The following CMSS1 variants were observed in gnomAD, a reference collection of about 807,000 sequenced individuals.
The protein encoded by CMSS1 is protein CMSS1.
A neutral mutation model predicts 43.5 loss-of-function variants in CMSS1; 33 were observed. The ratio of observed to expected loss-of-function variants is 0.76; its 90% CI spans 0.57 to 1.01. The LOEUF is 1.01. Ranked by LOEUF, CMSS1 falls within the 50% of genes least tolerant of loss-of-function variation. CMSS1 has a pLI of 0.00. For synonymous variants in CMSS1, 115 were observed against 117.2 expected, an observed-to-expected ratio of 0.98 and a Z score of 0.12; for missense variants, 313 against 326.4, an observed-to-expected ratio of 0.96 and a Z score of 0.32.
At chr3:99,916,033 CAACTT>C (rs1438101272) in intron 1 of CMSS1, among the ~76,000 whole-genome samples, 1 of 152,136 alleles carries the variant, frequency 6.6e-6, no homozygotes, top group East Asian at 1.9e-4. Context: ...TTTTATGTGT[CAACTT>C]GACTGGGCCA....
intron 1 of CMSS1, among the ~76,000 whole-genome samples, chr3:99,844,123 C>CACT (rs1943258216): frequency 6.6e-6 from 1 of 152,094 alleles, no homozygotes; most frequent in Admixed American, 6.5e-5. Flanking sequence ...GGCTCACTGC[C>CACT]ACTACCCAGC....
At chr3:100,163,854 A>C (rs2067045547) in intron 4 of CMSS1, among the ~76,000 whole-genome samples, 1 of 152,222 alleles carries the variant, frequency 6.6e-6, no homozygotes. Flanking sequence ...TACTAGGCAT[A>C]TCTAATATTG....
At chr3:99,983,422 A>ATATATATATATATATATG (rs1559713456) in intron 1 of CMSS1, among the ~76,000 whole-genome samples, 10 of 86,924 alleles carry the variant, frequency 1.2e-4, no homozygotes, top group Non-Finnish European at 1.7e-4. Context: ...ATATATATGT[A>ATATATATATATATATATG]TGTATGTATG....
intron 1 of CMSS1, among the ~76,000 whole-genome samples, chr3:99,930,309 A>G (rs1452942760): frequency 6.6e-6 from 1 of 152,214 alleles, no homozygotes; most frequent in African/African-American, 2.4e-5. Flanking sequence ...CCATCAATGT[A>G]CTAGCATTTG....
chr3:100,012,254 G>A lies in CMSS1; in HGVS notation c.65-134719G>A, dbSNP rs116527855. 7.2e-3 allele frequency among the ~76,000 whole-genome samples: 1,094 copies of A among 152,186 alleles called. 4 individuals are homozygous for A. Among genetic ancestry groups the A allele is most frequent in the African/African-American group, 1.0e-2 (414 of 41,518 alleles). On this transcript the variant is annotated intron_variant, in intron 1 of 9. Coordinates refer to ENST00000421999, the MANE Select transcript of CMSS1 (RefSeq NM_032359.4). ...ATATCTTTATACTAGAAAGAAGATTGGTAGAATTATTACTTTGTCAACCAA... is the reference window on the plus strand; with the variant it reads ...ATATCTTTATACTAGAAAGAAGATTAGTAGAATTATTACTTTGTCAACCAA...
At chr3:99,959,183 C>T (rs1022222576) in intron 1 of CMSS1, among the ~76,000 whole-genome samples, 1 of 152,214 alleles carries the variant, frequency 6.6e-6, no homozygotes, top group African/African-American at 2.4e-5. Context: ...GAGTCTCACT[C>T]TCTTGCCCAG....
chr3:100,139,035 A>C (rs1490988838), intron 1 of CMSS1, among the ~76,000 whole-genome samples: 1 of 152,206 alleles, frequency 6.6e-6, no homozygotes, highest in African/African-American at 2.4e-5. Context: ...GATCATGTCC[A>C]TTGCAGGGAC....
intron 1 of CMSS1, among the ~76,000 whole-genome samples, chr3:99,996,767 C>T (rs1709696383): frequency 3.3e-5 from 5 of 151,878 alleles, no homozygotes; most frequent in African/African-American, 1.2e-4. Flanking sequence ...TACTCACTAC[C>T]ATGAGAACAG....
At chr3:100,003,259 C>A (rs531353802) in intron 1 of CMSS1, among the ~76,000 whole-genome samples, 1 of 152,298 alleles carries the variant, frequency 6.6e-6, no homozygotes, top group Admixed American at 6.5e-5. Flanking sequence ...AATGTTAGAA[C>A]TGGCAAGTTA....
chr3:100,037,451 G>GACAC (rs66489523), intron 1 of CMSS1, among the ~76,000 whole-genome samples: 128 of 151,422 alleles, frequency 8.5e-4, no homozygotes, highest in African/African-American at 2.9e-3. Flanking sequence ...AAAGCAAACA[G>GACAC]ACACACACAC....
At chr3:100,171,987 A>T in intron 7 of CMSS1, 88 bp downstream of exon 7, 1 of 993,288 alleles carries the variant, frequency 1.0e-6, no homozygotes, top group Non-Finnish European at 1.5e-6. Flanking sequence ...TCCTTAGCAC[A>T]TATTTTATTG....
intron 1 of CMSS1, among the ~76,000 whole-genome samples, chr3:99,861,199 A>G (rs182518145): frequency 1.3e-5 from 2 of 152,144 alleles, no homozygotes; most frequent in East Asian, 3.9e-4. Flanking sequence ...CGCCCTCCCA[A>G]AAAAAATTAC....
intron 1 of CMSS1, among the ~76,000 whole-genome samples, chr3:99,906,078 A>T (rs1706606370): frequency 1.3e-5 from 2 of 152,144 alleles, no homozygotes. Context: ...CTGTGGTCCC[A>T]GCTACCTGCG....
At chr3:100,139,630 TAC>T (rs1186274310) in intron 1 of CMSS1, among the ~76,000 whole-genome samples, 2 of 145,764 alleles carry the variant, frequency 1.4e-5, no homozygotes, top group Admixed American at 6.9e-5. Context: ...TATATATATA[TAC>T]ACACACACAC....
intron 1 of CMSS1, among the ~76,000 whole-genome samples, chr3:99,949,751 A>G (rs1708121185): frequency 6.6e-6 from 1 of 152,248 alleles, no homozygotes. Flanking sequence ...GCCATTATGT[A>G]TCTAAAGTAG....
chr3:99,875,968 A>C lies in CMSS1; in HGVS notation c.64+57925A>C, dbSNP rs1008593182. 1.2e-5 allele frequency: 9 copies of C among 748,230 alleles called. No homozygotes were observed. The East Asian group carries it at 1.0e-3, about 86-fold the overall frequency. The allele number at this position is 748,230 out of a possible 1,614,324, so 46.3% of individuals were successfully genotyped here. On this transcript the variant is annotated intron_variant, in intron 1 of 9. Transcript: ENST00000421999. The stretch of plus-strand genomic sequence containing the variant: ...GATGCGCTTTGCGAAACCTGTCTGC[A>C]GTTTGTGATGCTGAGACAGCTTTAA...
chr3:99,986,020 A>G (rs1484023570), intron 1 of CMSS1, among the ~76,000 whole-genome samples: 1 of 152,218 alleles, frequency 6.6e-6, no homozygotes. Context: ...TACAGTTTGC[A>G]CGTGGACCCA....
At chr3:100,091,199 G>A (rs139287398) in intron 1 of CMSS1, among the ~76,000 whole-genome samples, 133 of 151,788 alleles carry the variant, frequency 8.8e-4, no homozygotes, top group African/African-American at 3.1e-3. Context: ...GCAGGAGAAT[G>A]GCGTGAACCT....
At chr3:99,960,456 A>T (rs545520974) in intron 1 of CMSS1, among the ~76,000 whole-genome samples, 1 of 152,224 alleles carries the variant, frequency 6.6e-6, no homozygotes, top group Non-Finnish European at 1.5e-5. Context: ...CACAGGGGAA[A>T]AATCAAAGAT....
Sources: allele counts gnomAD v4.1 joint callset (sites outside exome capture counted in the v4.1 genomes callset), GRCh38; gene constraint gnomAD v4.1.1; transcripts MANE v1.5; gene names NCBI Gene and HGNC (gene_info 2026-07-23, HGNC 2026-07-21).